MTA3: variants seen among roughly 807,000 people sequenced by gnomAD.
MTA3 encodes metastasis-associated protein MTA3.
A neutral mutation model predicts 83.5 loss-of-function variants in MTA3; 34 were observed. That is an observed-to-expected ratio of 0.41 (90% CI 0.31 to 0.54). The LOEUF (loss-of-function observed/expected upper bound fraction) is 0.54, where lower values mean the gene tolerates loss of function less well. Among genes scored for constraint, MTA3 ranks in the 20% least tolerant of loss-of-function variants. MTA3 has a pLI of 0.33. For synonymous variants in MTA3, 303 were observed against 252.7 expected (o/e 1.20, Z -1.89); for missense variants, 761 against 726.4 (o/e 1.05, Z -0.55).
intron 4 of MTA3, among the ~76,000 whole-genome samples, chr2:42,615,518 G>A (rs536411082): frequency 3.2e-4 from 49 of 151,510 alleles, no homozygotes; most frequent in African/African-American, 1.1e-3. Flanking sequence ...AGCGTGCTCA[G>A]CTAATTTTTG....
rs183161903 is a variant in MTA3 at position 42,599,919 on chromosome 2, A to G, written c.191-9539A>G. Among the ~76,000 whole-genome samples, 293 of 152,142 alleles carry G rather than the reference A, an allele frequency of 1.9e-3. 2 individuals carry two copies. The highest frequency in any genetic ancestry group is 6.7e-3 in the African/African-American group (278 of 41,522). The stretch of plus-strand genomic sequence containing the variant: ...TTTTTAAAAAACTTGCTTATGGGCC[A>G]GGCATGGTGGCTCACGCTTGTAATC... On this transcript the variant is annotated intron_variant, in intron 3 of 16. Coordinates refer to ENST00000405094, the MANE Select transcript of MTA3 (RefSeq NM_001330442.2).
At position 42,664,466 on chromosome 2, in the gene MTA3, C is replaced by CTTTTTTTTTTTTTTTTTTTTT. The variant is rs35633597; in HGVS notation, c.702+4612_702+4632dup. Among the ~76,000 whole-genome samples, 27 of 85,746 alleles carry CTTTTTTTTTTTTTTTTTTTTT rather than the reference C, an allele frequency of 3.1e-4. 11 individuals are homozygous for CTTTTTTTTTTTTTTTTTTTTT. Among genetic ancestry groups the CTTTTTTTTTTTTTTTTTTTTT allele is most frequent in the African/African-American group, 9.5e-4 (20 of 21,032 alleles). The allele number at this position is 85,746 out of a possible 152,430, so 56.3% of individuals were successfully genotyped here. Reference sequence around the variant, plus strand: ...CCTACTACCCCCTCACCCCGCTTACCTTTTTTTTTTTTTTTTTTTTTTTTT... The same window carrying CTTTTTTTTTTTTTTTTTTTTT: ...CCTACTACCCCCTCACCCCGCTTACCTTTTTTTTTTTTTTTTTTTTTTTTTTTTTTTTTTTTTTTTTTTTTT... On this transcript the variant is annotated intron_variant, in intron 8 of 16. Transcript: ENST00000405094.
intron 2 of MTA3, among the ~76,000 whole-genome samples, chr2:42,554,979 C>T (rs1044431482): frequency 3.9e-5 from 6 of 151,974 alleles, no homozygotes; most frequent in Non-Finnish European, 5.9e-5. Flanking sequence ...GGTGAAACCC[C>T]GTCTTCACTA....
chr2:42,713,168 T>A (rs1666761928), intron 14 of MTA3, among the ~76,000 whole-genome samples: 1 of 152,184 alleles, frequency 6.6e-6, no homozygotes, highest in South Asian at 2.1e-4. Flanking sequence ...GAGAGTGAAG[T>A]GGTTTGGGCT....
intron 11 of MTA3, among the ~76,000 whole-genome samples, chr2:42,698,185 C>T (rs1407207870): frequency 2.0e-5 from 3 of 152,154 alleles, no homozygotes; most frequent in Admixed American, 2.0e-4. Context: ...GTAATGCATA[C>T]TGCTCTTTGG....
intron 2 of MTA3, among the ~76,000 whole-genome samples, chr2:42,524,891 C>CT (rs1000648306): frequency 6.7e-6 from 1 of 149,752 alleles, no homozygotes; most frequent in Non-Finnish European, 1.5e-5. Context: ...TGAAGGCATC[C>CT]TGGCGGGGAC....
At chr2:42,567,220 C>T (rs1207753340), upstream of MTA3, among the ~76,000 whole-genome samples, 5 of 152,194 alleles carry the variant, frequency 3.3e-5, no homozygotes, top group South Asian at 4.1e-4. Context: ...CAGATATCAT[C>T]GCAACTGATC....
chr2:42,502,796 T>TAAAAAAAAA (rs1674453033), intron 2 of MTA3, among the ~76,000 whole-genome samples: 2 of 28,250 alleles, frequency 7.1e-5, no homozygotes, highest in African/African-American at 3.4e-4. Flanking sequence ...AAACTCTGTC[T>TAAAAAAAAA]CAAAAAAAAA....
intron 5 of MTA3, among the ~76,000 whole-genome samples, 155 bp from the exon 6 acceptor site, chr2:42,643,972 C>A (rs926558748): frequency 4.6e-5 from 7 of 152,162 alleles, no homozygotes; most frequent in Non-Finnish European, 5.9e-5. Flanking sequence ...GACGGTAACA[C>A]CATGCTCTCC....
intron 2 of MTA3, among the ~76,000 whole-genome samples, chr2:42,540,025 C>T (rs114935258): frequency 0.01 from 1,580 of 152,182 alleles, 23 homozygotes; most frequent in African/African-American, 0.036. Context: ...CACCTTCCTC[C>T]CTCTCTCTGG....
chr2:42,577,107 T>TAAA, intron 2 of MTA3, among the ~76,000 whole-genome samples: 1 of 80,598 alleles, frequency 1.2e-5, no homozygotes, highest in East Asian at 3.4e-4. Flanking sequence ...AAAAAAAAAA[T>TAAA]ATATATATAT....
chr2:42,568,663 A>G lies in MTA3; in HGVS notation c.-83A>G, dbSNP rs1300186093. ...AGGCAGCAGCGACGGCGGCGGCGGC[A>G]GCGGCGGTCGCGGCTGAGGCTGAGG... On this transcript the variant is annotated 5_prime_UTR_variant, in exon 1 of 17. Coordinates refer to ENST00000405094, the MANE Select transcript of MTA3 (RefSeq NM_001330442.2). 3 of 877,980 alleles carry G rather than the reference A, an allele frequency of 3.4e-6. No homozygotes were observed. Among genetic ancestry groups the G allele is most frequent in the African/African-American group, 3.8e-5 (2 of 53,296 alleles). 54.4% of individuals were successfully genotyped at this position (877,980 alleles called of 1,614,324 possible). A position where few individuals can be genotyped will look rare whatever the true frequency, so the allele number is the denominator to read the frequency against.
intron 8 of MTA3, among the ~76,000 whole-genome samples, chr2:42,669,679 G>T (rs1166631541): frequency 6.6e-6 from 1 of 152,176 alleles, no homozygotes; most frequent in Non-Finnish European, 1.5e-5. Context: ...ACAGATGAGT[G>T]TGGAGACGCT....
chr2:42,756,011 A>G lies in MTA3; in HGVS notation c.*2612A>G. ...GTGCACAGCCCAGTTTCCATCTCTC[A>G]GGGCCCACCCAGGAAAATGGATTTC... On this transcript the variant is annotated 3_prime_UTR_variant, in exon 17 of 17. Coordinates refer to ENST00000405094, the MANE Select transcript of MTA3 (RefSeq NM_001330442.2). The G allele has an allele frequency of 3.0e-6, 3 of 985,354 alleles. No individual in the cohort carries two copies. Among genetic ancestry groups the G allele is most frequent in the South Asian group, 9.4e-5 (2 of 21,290 alleles). 61.0% of individuals were successfully genotyped at this position (985,354 alleles called of 1,614,324 possible).
intron 2 of MTA3, among the ~76,000 whole-genome samples, chr2:42,536,503 A>G (rs1370267400): frequency 1.3e-5 from 2 of 151,400 alleles, no homozygotes; most frequent in African/African-American, 2.4e-5. Flanking sequence ...AAAAAAAGAA[A>G]ATGGAGGTGT....
At chr2:42,605,752 C>T (rs1228811950) in intron 3 of MTA3, among the ~76,000 whole-genome samples, 30 of 127,040 alleles carry the variant, frequency 2.4e-4, no homozygotes, top group East Asian at 5.0e-4. Context: ...GGCGGCTGGC[C>T]GGGCAGAGGG....
chr2:42,496,522 A>G (rs1041283587), intron 2 of MTA3, among the ~76,000 whole-genome samples: 1 of 151,392 alleles, frequency 6.6e-6, no homozygotes, highest in African/African-American at 2.4e-5. Context: ...GGGTCTTCAT[A>G]TCTAAATCTT....
chr2:42,662,115 T>C (rs1044915299), intron 8 of MTA3, among the ~76,000 whole-genome samples: 27 of 152,174 alleles, frequency 1.8e-4, no homozygotes, highest in African/African-American at 6.0e-4. Flanking sequence ...ATAAACACAG[T>C]TCATTCATTT....
At chr2:42,629,381 T>C (rs756285756) in intron 4 of MTA3, among the ~76,000 whole-genome samples, 15 of 152,088 alleles carry the variant, frequency 9.9e-5, no homozygotes, top group Non-Finnish European at 2.1e-4. Context: ...GCCCAGCGGA[T>C]AGAGCAGTCT....
Sources: allele counts gnomAD v4.1 joint callset (sites outside exome capture counted in the v4.1 genomes callset), GRCh38; gene constraint gnomAD v4.1.1; transcripts MANE v1.5; gene names NCBI Gene and HGNC (gene_info 2026-07-23, HGNC 2026-07-21).